Variants in PHC2 observed in about 807,000 individuals in gnomAD.
PHC2 encodes polyhomeotic homolog 2.
A neutral mutation model predicts 87.4 loss-of-function variants in PHC2; 29 were observed. The ratio of observed to expected loss-of-function variants is 0.33; its 90% CI spans 0.25 to 0.45. The LOEUF is 0.45. Among genes scored for constraint, PHC2 ranks in the 20% least tolerant of loss-of-function variants. PHC2 has a pLI of 1.00. For missense variants in PHC2, 857 were observed against 1,136.7 expected (o/e 0.75, Z 3.54); for synonymous variants, 438 against 461.7 (o/e 0.95, Z 0.66).
chr1:33,351,340 C>T (rs771782183), intron 9 of PHC2, among the ~76,000 whole-genome samples: 5 of 152,102 alleles, frequency 3.3e-5, no homozygotes, highest in South Asian at 2.1e-4. Context: ...GCGAGCTGTA[C>T]GAACACTGGC....
chr1:33,384,442 C>T (rs955763435), intron 1 of PHC2, among the ~76,000 whole-genome samples: 18 of 152,192 alleles, frequency 1.2e-4, no homozygotes, highest in African/African-American at 4.3e-4. Flanking sequence ...GAAGAGTTAC[C>T]AAACATAGTT....
At position 33,364,224 on chromosome 1, in the gene PHC2, G is replaced by A. The variant is rs1456076119; in HGVS notation, c.976+2892C>T. Among the ~76,000 whole-genome samples, 2 of 151,942 alleles carry A rather than the reference G, an allele frequency of 1.3e-5. No homozygotes were observed. Among genetic ancestry groups the A allele is most frequent in the Non-Finnish European group, 2.9e-5 (2 of 67,964 alleles). On this transcript the variant is annotated intron_variant, in intron 7 of 14. Transcript: ENST00000683057. This position sits in a 1 kb window ranked among gnomAD's most constrained non-coding sequence, Gnocchi z 4.1. Reference sequence around the variant, plus strand: ...CCCCCAGGAGAACACATTCCTCACTGCCATACCCCCTCCTACTGGCCCACT... The same window carrying A: ...CCCCCAGGAGAACACATTCCTCACTACCATACCCCCTCCTACTGGCCCACT...
At chr1:33,328,786 C>A in intron 14 of PHC2, 84 bp downstream of exon 14, 1 of 1,370,564 alleles carries the variant, frequency 7.3e-7, no homozygotes, top group Non-Finnish European at 1.0e-6. Flanking sequence ...AACTAAACTA[C>A]CTAATCCTCC....
At chr1:33,352,987 G>A (rs538358408) in intron 9 of PHC2, among the ~76,000 whole-genome samples, 26 of 152,262 alleles carry the variant, frequency 1.7e-4, no homozygotes, top group Middle Eastern at 3.4e-3. Context: ...ACAAATTTTG[G>A]TTCCTCCCTA....
In PHC2 at chr1:33,412,946, G is replaced by GT. The variant is rs67654953; in HGVS notation, c.-55+18029dup. On this transcript the variant is annotated intron_variant, in intron 1 of 14. Transcript: ENST00000683057. Reference sequence around the variant, plus strand: ...CATCAGGGACCTTACATATGGACTTGTTTTTTTTTTGTTTGTTTGTTTTTG... The same window carrying GT: ...CATCAGGGACCTTACATATGGACTTGTTTTTTTTTTTGTTTGTTTGTTTTTG... Among the ~76,000 whole-genome samples the GT allele has an allele frequency of 1.3e-3, 199 of 150,238 alleles. 2 individuals are homozygous for GT. In the East Asian group the frequency reaches 0.019, roughly 15 times the overall value.
At chr1:33,403,003 A>C (rs1448378328) in intron 1 of PHC2, among the ~76,000 whole-genome samples, 3 of 150,914 alleles carry the variant, frequency 2.0e-5, no homozygotes, top group African/African-American at 7.3e-5. Context: ...TTTTATTTTT[A>C]GTAGACATGG....
At chr1:33,409,536 T>G (rs1017038481) in intron 1 of PHC2, among the ~76,000 whole-genome samples, 6 of 152,212 alleles carry the variant, frequency 3.9e-5, no homozygotes, top group Non-Finnish European at 7.3e-5. Context: ...CCCCAAATCT[T>G]CTATAATGAA....
chr1:33,397,204 A>G (rs1484833897), intron 1 of PHC2, among the ~76,000 whole-genome samples: 2 of 152,192 alleles, frequency 1.3e-5, no homozygotes, highest in African/African-American at 4.8e-5. Context: ...CCAGAGGTCA[A>G]ATAAAAATCT....
intron 7 of PHC2, among the ~76,000 whole-genome samples, chr1:33,358,522 TC>T (rs1410554487): frequency 1.3e-5 from 2 of 152,102 alleles, no homozygotes; most frequent in South Asian, 2.1e-4. Context: ...CAAAAAAAAA[TC>T]CTTTTGTTTC....
At chr1:33,390,642 A>G (rs1388051730) in intron 1 of PHC2, among the ~76,000 whole-genome samples, 1 of 152,028 alleles carries the variant, frequency 6.6e-6, no homozygotes, top group East Asian at 1.9e-4. Flanking sequence ...TAACAGTTTA[A>G]GAGGAAAAAT....
intron 1 of PHC2, 89 bp from the exon 2 acceptor site, chr1:33,375,682 C>T (rs10914694): frequency 0.13 from 101,198 of 796,432 alleles, 12,090 homozygotes; most frequent in African/African-American, 0.51. Flanking sequence ...GTGGGTTCCA[C>T]ATCCATGGAT....
chr1:33,424,923 G>A (rs1650606817), intron 1 of PHC2, among the ~76,000 whole-genome samples: 2 of 152,276 alleles, frequency 1.3e-5, no homozygotes, highest in South Asian at 4.1e-4. Flanking sequence ...GTGATCAGAG[G>A]TCAGGACCTG....
chr1:33,332,202 G>A lies in PHC2; in HGVS notation c.1891+73C>T. 1 of 1,562,322 alleles carries A rather than the reference G, an allele frequency of 6.4e-7. No individual in the cohort carries two copies. The highest frequency in any genetic ancestry group is 8.8e-7 in the Non-Finnish European group (1 of 1,134,742). ...CTCAGGGTTCCTCTGGGGAAACAGA[G>A]AGAGGAAGTGTGTGAGGCCTGCCTT... On this transcript the variant is annotated intron_variant, in intron 11 of 14. Coordinates refer to ENST00000683057, the MANE Select transcript of PHC2 (RefSeq NM_001385109.1). The surrounding 1 kb of genome is among the most constrained non-coding windows in gnomAD (Gnocchi z 4.2).
In PHC2 at chr1:33,334,158, C is replaced by A. The variant is rs761198066; in HGVS notation, c.1693G>T (p.Val565Leu). 1 of 1,614,020 alleles carries A rather than the reference C, an allele frequency of 6.2e-7. No individual in the cohort carries two copies. ...NGENKPPQAI[V>L]KPQILTHVIE... ...ACATGCGTCAGGATTTGGGGTTTCA[C>A]AATGGCCTGTGGTGGTTTATTCTCA... Residue 565 changes from valine (V) to leucine (L), a missense_variant, in exon 10 of 15, where the codon GTG becomes TTG. This residue lies in a region of PHC2 where 832 missense variants were observed against 1,081.8 expected (regional missense o/e 0.77). Coordinates refer to ENST00000683057, the MANE Select transcript of PHC2 (RefSeq NM_001385109.1). This position sits in a 1 kb window ranked among gnomAD's most constrained non-coding sequence, Gnocchi z 5.5.
At chr1:33,430,283 G>A (rs190079320) in intron 1 of PHC2, among the ~76,000 whole-genome samples, 53 of 152,304 alleles carry the variant, frequency 3.5e-4, no homozygotes, top group African/African-American at 1.2e-3. Context: ...GAAAACAAGG[G>A]ACCAGCGCCT....
chr1:33,375,277 A>G, intron 2 of PHC2, 89 bp downstream of exon 2: 1 of 1,125,024 alleles, frequency 8.9e-7, no homozygotes, highest in Non-Finnish European at 1.2e-6. Context: ...CCACATCTAG[A>G]TTATCCCACC....
At chr1:33,346,386 CA>C in intron 9 of PHC2, 1 of 985,332 alleles carries the variant, frequency 1.0e-6, no homozygotes, top group Non-Finnish European at 1.2e-6. Context: ...CAAAATGGCA[CA>C]AAACAAAGGG....
Position 33,324,553 on chromosome 1 carries a change from TG to T in PHC2, c.*311del, listed in dbSNP as rs1646330597. 4.2e-6 allele frequency: 1 copy of T among 237,870 alleles called. No individual in the cohort carries two copies. The highest frequency in any genetic ancestry group is 8.1e-6 in the Non-Finnish European group (1 of 123,508). The allele number at this position is 237,870 out of a possible 1,614,324, so 14.7% of individuals were successfully genotyped here. A position where few individuals can be genotyped will look rare whatever the true frequency, so the allele number is the denominator to read the frequency against. Reference sequence around the variant, plus strand: ...TGGGGAGCCCTGACCATATACCCCCTGGAAAATGGGGGACAGAAAGAGGGGA... The same window carrying T: ...TGGGGAGCCCTGACCATATACCCCCTGAAAATGGGGGACAGAAAGAGGGGA... On this transcript the variant is annotated 3_prime_UTR_variant, in exon 15 of 15. Coordinates refer to ENST00000683057, the MANE Select transcript of PHC2 (RefSeq NM_001385109.1).
At chr1:33,352,763 G>A (rs192905985) in intron 9 of PHC2, among the ~76,000 whole-genome samples, 4 of 152,274 alleles carry the variant, frequency 2.6e-5, no homozygotes, top group East Asian at 1.9e-4. Flanking sequence ...GAGAGTTCAC[G>A]GGGGCCATTC....
Sources: allele counts gnomAD v4.1 joint callset (sites outside exome capture counted in the v4.1 genomes callset), GRCh38; gene constraint gnomAD v4.1.1; regional missense constraint gnomAD v4.1.1; non-coding constraint Gnocchi (gnomAD v3.1); transcripts MANE v1.5; gene names NCBI Gene and HGNC (gene_info 2026-07-23, HGNC 2026-07-21).